The following SNX14 variants were observed in gnomAD, a reference collection of about 807,000 sequenced individuals.
The protein encoded by SNX14 is sorting nexin-14.
Under a neutral mutation model 133.8 loss-of-function variants are expected in SNX14, and 93 were observed. That is an observed-to-expected ratio of 0.70 (90% CI 0.59 to 0.83). SNX14 has a LOEUF of 0.83. Among genes scored for constraint, SNX14 ranks in the 40% least tolerant of loss-of-function variants. The pLI, the probability that SNX14 is intolerant of heterozygous loss-of-function variation, is 0.00. For missense variants in SNX14, 945 were observed against 1,094.9 expected (o/e 0.86, Z 1.93); for synonymous variants, 368 against 365.6 (o/e 1.01, Z -0.07).
intron 2 of SNX14, among the ~76,000 whole-genome samples, chr6:85,572,962 GAAGA>G (rs912752401): frequency 6.6e-5 from 10 of 151,942 alleles, no homozygotes; most frequent in African/African-American, 2.4e-4. Flanking sequence ...TCAAAAAAAG[GAAGA>G]AAGAAAAAAG....
chr6:85,514,306 A>T, intron 24 of SNX14, 72 bp from the exon 25 acceptor site: 1 of 1,535,484 alleles, frequency 6.5e-7, no homozygotes, highest in African/African-American at 1.4e-5. Flanking sequence ...CCAATGTAGA[A>T]AACACAAATG....
chr6:85,513,892 G>A lies in SNX14; in HGVS notation c.2561C>T (p.Ala854Val). The A allele has an allele frequency of 6.2e-7, 1 of 1,607,588 alleles. No individual in the cohort carries two copies. The highest frequency in any genetic ancestry group is 8.5e-7 in the Non-Finnish European group (1 of 1,177,826). The change falls in exon 26 of 29, where the codon GCT (alanine) becomes GTT (valine). Residue 854 changes from alanine to valine, a missense_variant. By Grantham distance (64) the Ala-to-Val change is moderately conservative (BLOSUM62 0). Around this residue, in one of 3 missense-constraint regions of SNX14, gnomAD observed 412 missense variants for 516.6 expected, o/e 0.80. Coordinates refer to ENST00000314673, the MANE Select transcript of SNX14 (RefSeq NM_153816.6). ...LVSLITLLRD[A>V]IFCENTEPRS... ...AGGTTCAGTGTTTTCACAGAATATA[G>A]CATCTAAAAAAGAGTAAAAAGAAAT...
intron 15 of SNX14, 99 bp from the exon 16 acceptor site, chr6:85,538,963 G>A (rs1782771527): frequency 7.6e-6 from 8 of 1,050,258 alleles, no homozygotes; most frequent in Non-Finnish European, 1.1e-5. Flanking sequence ...AAATTTAAAA[G>A]CTTCAGAAGT....
intron 20 of SNX14, among the ~76,000 whole-genome samples, chr6:85,526,720 A>G (rs1384137573): frequency 6.6e-6 from 1 of 152,228 alleles, no homozygotes; most frequent in East Asian, 1.9e-4. Context: ...AGATGGGGAA[A>G]TGTGAAATAA....
At chr6:85,527,561 T>A (rs1017643273) in intron 20 of SNX14, among the ~76,000 whole-genome samples, 2 of 152,084 alleles carry the variant, frequency 1.3e-5, no homozygotes, top group Non-Finnish European at 2.9e-5. Context: ...AAATATAAAA[T>A]TCCATGCCCA....
chr6:85,540,630 G>A (rs1039655010), intron 15 of SNX14, among the ~76,000 whole-genome samples: 1 of 152,136 alleles, frequency 6.6e-6, no homozygotes, highest in East Asian at 1.9e-4. Flanking sequence ...GTTATTACAT[G>A]TATACTACTT....
intron 7 of SNX14, among the ~76,000 whole-genome samples, chr6:85,553,430 C>T (rs1441261151): frequency 2.0e-5 from 3 of 152,118 alleles, no homozygotes; most frequent in Non-Finnish European, 2.9e-5. Flanking sequence ...GTGCTAAGTC[C>T]CAGCTCTGCT....
At chr6:85,539,123 C>A (rs912087417) in intron 15 of SNX14, among the ~76,000 whole-genome samples, 1 of 152,092 alleles carries the variant, frequency 6.6e-6, no homozygotes, top group African/African-American at 2.4e-5. Context: ...TATGTTTTCT[C>A]TTGGGTGACA....
chr6:85,562,679 G>A (rs1023412441), intron 6 of SNX14, among the ~76,000 whole-genome samples: 2 of 125,438 alleles, frequency 1.6e-5, no homozygotes, highest in Non-Finnish European at 3.2e-5. Flanking sequence ...AACTTCCACC[G>A]CCCAGGTTCA....
At chr6:85,527,779 T>C (rs1778968152) in intron 20 of SNX14, among the ~76,000 whole-genome samples, 1 of 151,924 alleles carries the variant, frequency 6.6e-6, no homozygotes, top group Admixed American at 6.6e-5. Context: ...TAGCAAATAG[T>C]AGAGTTGATC....
At chr6:85,547,644 G>T in intron 9 of SNX14, 94 bp from the exon 10 acceptor site, 3 of 1,096,344 alleles carry the variant, frequency 2.7e-6, no homozygotes, top group Non-Finnish European at 1.3e-6. Context: ...TAAGTTTCTA[G>T]AAAAATGAAA....
chr6:85,575,987 T>C (rs1043937326), intron 1 of SNX14, among the ~76,000 whole-genome samples: 1 of 152,236 alleles, frequency 6.6e-6, no homozygotes, highest in Non-Finnish European at 1.5e-5. Context: ...TCTCAATGTT[T>C]CTAATGTTTA....
chr6:85,560,125 T>C (rs183050663), intron 6 of SNX14, among the ~76,000 whole-genome samples: 2 of 152,282 alleles, frequency 1.3e-5, no homozygotes, highest in Non-Finnish European at 2.9e-5. Context: ...CCAGCAATTG[T>C]ACTCCTATGT....
chr6:85,524,985 T>C (rs1320227251), intron 21 of SNX14, among the ~76,000 whole-genome samples: 1 of 152,168 alleles, frequency 6.6e-6, no homozygotes, highest in African/African-American at 2.4e-5. Flanking sequence ...TGTACTATAT[T>C]AGTGGTTAGA....
At chr6:85,555,223 T>A (rs1271328502) in intron 7 of SNX14, among the ~76,000 whole-genome samples, 1 of 152,234 alleles carries the variant, frequency 6.6e-6, no homozygotes, top group Non-Finnish European at 1.5e-5. Context: ...AGGCTTCTTG[T>A]CTTTGTCTTT....
intron 14 of SNX14, among the ~76,000 whole-genome samples, 197 bp downstream of exon 14, chr6:85,542,982 GGTC>G (rs1194069718): frequency 2.0e-5 from 3 of 151,924 alleles, no homozygotes; most frequent in African/African-American, 7.3e-5. Flanking sequence ...TGGCCAGGTT[GGTC>G]TTGAATGCCT....
intron 18 of SNX14, among the ~76,000 whole-genome samples, 199 bp downstream of exon 18, chr6:85,533,400 T>G (rs1420348841): frequency 6.6e-6 from 1 of 152,240 alleles, no homozygotes; most frequent in Non-Finnish European, 1.5e-5. Context: ...TAAGTGTTGA[T>G]TGAATTAGTT....
chr6:85,571,544 A>G (rs1384407949), intron 4 of SNX14, among the ~76,000 whole-genome samples: 1 of 152,190 alleles, frequency 6.6e-6, no homozygotes, highest in Non-Finnish European at 1.5e-5. Flanking sequence ...ACGTGACCTG[A>G]TACTTGGTGC....
At chr6:85,534,017 A>G (rs1448364193) in intron 17 of SNX14, among the ~76,000 whole-genome samples, 1 of 152,214 alleles carries the variant, frequency 6.6e-6, no homozygotes, top group Non-Finnish European at 1.5e-5. Flanking sequence ...CATCATCTGT[A>G]TATGAAAATA....
Sources: allele counts gnomAD v4.1 joint callset (sites outside exome capture counted in the v4.1 genomes callset), GRCh38; gene constraint gnomAD v4.1.1; regional missense constraint gnomAD v4.1.1; transcripts MANE v1.5; gene names NCBI Gene and HGNC (gene_info 2026-07-23, HGNC 2026-07-21).